TRPS1: variants seen among roughly 807,000 people sequenced by gnomAD.
The protein encoded by TRPS1 is transcriptional repressor GATA binding 1.
A neutral mutation model predicts 101.2 loss-of-function variants in TRPS1; 6 were observed. The ratio of observed to expected loss-of-function variants is 0.06; its 90% CI spans 0.03 to 0.12. TRPS1 has a LOEUF of 0.12. Ranked by LOEUF, TRPS1 falls within the 10% of genes least tolerant of loss-of-function variation. TRPS1 has a pLI of 1.00. For synonymous variants in TRPS1, 578 were observed against 589.8 expected (o/e 0.98, Z 0.29); for missense variants, 1,363 against 1,567.0 (o/e 0.87, Z 2.20).
At chr8:115,466,623 G>C (rs1814325140) in intron 5 of TRPS1, among the ~76,000 whole-genome samples, 1 of 152,074 alleles carries the variant, frequency 6.6e-6, no homozygotes, top group South Asian at 2.1e-4. Context: ...AAATACTAGG[G>C]ATTTCAGGGT....
intron 5 of TRPS1, among the ~76,000 whole-genome samples, chr8:115,474,981 ACTTT>A (rs1814564513): frequency 1.3e-5 from 2 of 152,162 alleles, no homozygotes; most frequent in African/African-American, 2.4e-5. Flanking sequence ...TGTAGAATGA[ACTTT>A]CTTTCTTCCT....
chr8:115,523,093 C>T (rs1384076946), intron 5 of TRPS1, among the ~76,000 whole-genome samples: 1 of 151,904 alleles, frequency 6.6e-6, no homozygotes, highest in African/African-American at 2.4e-5. Context: ...AGATTAGATC[C>T]TGAGTTTAGG....
intron 1 of TRPS1, among the ~76,000 whole-genome samples, chr8:115,634,057 A>G (rs1411121925): frequency 1.3e-5 from 2 of 152,186 alleles, no homozygotes; most frequent in African/African-American, 4.8e-5. Flanking sequence ...GTGCTAAGAA[A>G]ACTTGAAAAT....
At chr8:115,549,984 C>T (rs970534613) in intron 5 of TRPS1, among the ~76,000 whole-genome samples, 8 of 152,034 alleles carry the variant, frequency 5.3e-5, no homozygotes, top group Non-Finnish European at 7.4e-5. Context: ...GGGAGACCCA[C>T]GTGGGTGGAT....
chr8:115,445,232 C>T (rs1237752816), intron 5 of TRPS1, among the ~76,000 whole-genome samples: 2 of 152,172 alleles, frequency 1.3e-5, no homozygotes, highest in Non-Finnish European at 2.9e-5. Context: ...CAGCTCAAGA[C>T]TCCACGTTCC....
At chr8:115,504,322 T>G (rs1456972119) in intron 5 of TRPS1, among the ~76,000 whole-genome samples, 1 of 152,158 alleles carries the variant, frequency 6.6e-6, no homozygotes, top group Non-Finnish European at 1.5e-5. Context: ...AAACAACCAT[T>G]GTCCACAAAT....
intron 5 of TRPS1, among the ~76,000 whole-genome samples, chr8:115,484,357 G>A (rs980507489): frequency 1.8e-4 from 27 of 152,046 alleles, no homozygotes; most frequent in African/African-American, 6.3e-4. Context: ...ATTCAAAAAA[G>A]TTTAAATCTT....
At chr8:115,437,371 T>C (rs3808407) in intron 5 of TRPS1, among the ~76,000 whole-genome samples, 48,093 of 152,120 alleles carry the variant, frequency 0.32, 7,764 homozygotes, top group Middle Eastern at 0.48. Flanking sequence ...ATACAGGATA[T>C]GCTGGAAGGT....
chr8:115,572,853 C>T (rs532256433), intron 5 of TRPS1, among the ~76,000 whole-genome samples: 38 of 152,228 alleles, frequency 2.5e-4, no homozygotes, highest in Non-Finnish European at 4.4e-4. Context: ...TAAATATACG[C>T]CAGACTCCGT....
intron 3 of TRPS1, among the ~76,000 whole-genome samples, chr8:115,614,166 A>C (rs1818230149): frequency 6.6e-6 from 1 of 152,218 alleles, no homozygotes; most frequent in Non-Finnish European, 1.5e-5. Flanking sequence ...GAAATAAAAA[A>C]ACACTGAGTA....
chr8:115,603,056 C>G lies in TRPS1; in HGVS notation c.2096+817G>C, dbSNP rs532383576. 1.4e-4 allele frequency among the ~76,000 whole-genome samples: 21 copies of G among 152,272 alleles called. 1 individual carries two copies. In the South Asian group the frequency reaches 3.9e-3, roughly 29 times the overall value. On this transcript the variant is annotated intron_variant, in intron 4 of 6. Transcript: ENST00000395715. ...ACTGTAAGTTCCATGAGGGCACTGA[C>G]TATGTCTTCTCTTGTATATTCAATG...
chr8:115,597,966 A>G (rs969807597), intron 4 of TRPS1, among the ~76,000 whole-genome samples: 1 of 152,200 alleles, frequency 6.6e-6, no homozygotes, highest in Non-Finnish European at 1.5e-5. Flanking sequence ...AGTATGCAGG[A>G]TACAGTTACA....
intron 5 of TRPS1, among the ~76,000 whole-genome samples, chr8:115,442,579 G>A (rs28600738): frequency 0.047 from 7,077 of 149,480 alleles, 232 homozygotes; most frequent in Non-Finnish European, 0.069. Context: ...GTGTGTGTGT[G>A]TATGTGTGTG....
intron 5 of TRPS1, among the ~76,000 whole-genome samples, chr8:115,582,623 G>A (rs572850578): frequency 3.9e-5 from 6 of 152,220 alleles, no homozygotes; most frequent in East Asian, 1.9e-4. Flanking sequence ...CTCTCCAAGC[G>A]ACAGATGAAC....
chr8:115,540,815 C>A (rs1038949744), intron 5 of TRPS1, among the ~76,000 whole-genome samples: 1 of 151,734 alleles, frequency 6.6e-6, no homozygotes, highest in Non-Finnish European at 1.5e-5. Flanking sequence ...AAACAACTTA[C>A]GCACCCCATA....
intron 5 of TRPS1, among the ~76,000 whole-genome samples, chr8:115,470,802 A>G (rs898622011): frequency 2.3e-4 from 35 of 152,330 alleles, no homozygotes; most frequent in African/African-American, 7.9e-4. Context: ...TGAAAAAAAC[A>G]TTAGTTTTTA....
intron 5 of TRPS1, among the ~76,000 whole-genome samples, chr8:115,542,451 T>C (rs1470255109): frequency 1.3e-5 from 2 of 152,148 alleles, no homozygotes; most frequent in South Asian, 2.1e-4. Flanking sequence ...GATTTATTTA[T>C]TTCTGGGGGC....
At chr8:115,493,443 G>T (rs1002657914) in intron 5 of TRPS1, among the ~76,000 whole-genome samples, 1 of 151,982 alleles carries the variant, frequency 6.6e-6, no homozygotes, top group Non-Finnish European at 1.5e-5. Context: ...TCTGCCTCCC[G>T]GATTCAAGTG....
Position 115,492,135 on chromosome 8 carries a change from G to A in TRPS1, c.2701-73683C>T, listed in dbSNP as rs141736865. The A allele has an allele frequency of 1.3e-4, 59 of 454,694 alleles. 1 individual carries two copies. The highest frequency in any genetic ancestry group is 5.6e-4 in the South Asian group (36 of 64,068). The allele number at this position is 454,694 out of a possible 1,614,324, so 28.2% of individuals were successfully genotyped here. ...GAAACAAAAAATCCAGAGGGGTGACGTTTGGTTAGTCAGGAAATACTTCAA... is the reference window on the plus strand; with the variant it reads ...GAAACAAAAAATCCAGAGGGGTGACATTTGGTTAGTCAGGAAATACTTCAA... On this transcript the variant is annotated intron_variant, in intron 5 of 6. Coordinates refer to ENST00000395715, the MANE Select transcript of TRPS1 (RefSeq NM_014112.5).
Sources: gnomAD v4.1 joint callset for allele counts (sites outside exome capture counted in the v4.1 genomes callset) on GRCh38, gnomAD v4.1.1 for gene constraint, MANE v1.5 for transcripts, NCBI Gene and HGNC (gene_info 2026-07-23, HGNC 2026-07-21) for gene names.